The following ATP6V0D1 variants were observed in gnomAD, a reference collection of about 807,000 sequenced individuals.
The protein encoded by ATP6V0D1 is V-type proton ATPase subunit d 1.
A neutral mutation model predicts 39.0 loss-of-function variants in ATP6V0D1; 13 were observed. The observed-to-expected ratio is 0.33, with a 90% CI of 0.22 to 0.53. The LOEUF (loss-of-function observed/expected upper bound fraction) is 0.53. ATP6V0D1 is among the 20% of genes least tolerant of loss of function. The pLI is 0.94. For missense variants in ATP6V0D1, 272 were observed against 470.9 expected (o/e 0.58, Z 3.91); for synonymous variants, 191 against 191.2 (o/e 1.00, Z 0.01).
rs1329753161 is a variant in ATP6V0D1, at chr16:67,475,834, T to C, written c.130+5123A>G. On this transcript the variant is annotated intron_variant, in intron 1 of 7. Coordinates refer to ENST00000290949, the MANE Select transcript of ATP6V0D1 (RefSeq NM_004691.5). ...TGAGAACCCCATATGACTCAGATTATGGTCTCTAAATACAATTTTGTAATA... is the reference window on the plus strand; with the variant it reads ...TGAGAACCCCATATGACTCAGATTACGGTCTCTAAATACAATTTTGTAATA... Among the ~76,000 whole-genome samples the C allele has an allele frequency of 2.0e-5, 3 of 152,252 alleles. No homozygotes were observed. In the East Asian group the frequency reaches 5.8e-4, roughly 29 times the overall value.
chr16:67,451,420 C>T (rs1456304428), intron 2 of ATP6V0D1, among the ~76,000 whole-genome samples: 1 of 152,172 alleles, frequency 6.6e-6, no homozygotes, highest in African/African-American at 2.4e-5. Context: ...GAGTCTGGAA[C>T]CCGTGTCCCA....
At chr16:67,476,044 A>C (rs1334918729) in intron 1 of ATP6V0D1, among the ~76,000 whole-genome samples, 2 of 152,164 alleles carry the variant, frequency 1.3e-5, no homozygotes, top group Non-Finnish European at 2.9e-5. Context: ...AGCCTGGCTA[A>C]CATGGTGTAA....
chr16:67,469,615 C>G (rs2041357257), intron 1 of ATP6V0D1, among the ~76,000 whole-genome samples: 1 of 152,160 alleles, frequency 6.6e-6, no homozygotes, highest in Admixed American at 6.5e-5. Context: ...CTCAGACCAG[C>G]CCTACAATGC....
chr16:67,469,343 G>A (rs1452422845), intron 1 of ATP6V0D1, among the ~76,000 whole-genome samples: 2 of 152,000 alleles, frequency 1.3e-5, no homozygotes, highest in Admixed American at 1.3e-4. Context: ...AATAAAATCG[G>A]GCTAAAGTAT....
At chr16:67,462,727 C>T (rs1364804698) in intron 1 of ATP6V0D1, among the ~76,000 whole-genome samples, 7 of 151,568 alleles carry the variant, frequency 4.6e-5, no homozygotes, top group Admixed American at 4.6e-4. Context: ...ACCTGGGAGG[C>T]TAAGGTGGGA....
intron 1 of ATP6V0D1, among the ~76,000 whole-genome samples, chr16:67,466,748 G>C (rs2142327837): frequency 1.3e-5 from 2 of 152,202 alleles, no homozygotes; most frequent in Middle Eastern, 6.8e-3. Flanking sequence ...AGTGAGCCAT[G>C]ATGGAGCCAC....
At chr16:67,462,577 C>T (rs970153817) in intron 1 of ATP6V0D1, among the ~76,000 whole-genome samples, 1 of 152,196 alleles carries the variant, frequency 6.6e-6, no homozygotes, top group Non-Finnish European at 1.5e-5. Context: ...ATAATCCCAG[C>T]GTTTTGGGAG....
chr16:67,472,524 T>C (rs549461873), intron 1 of ATP6V0D1, among the ~76,000 whole-genome samples: 1 of 152,274 alleles, frequency 6.6e-6, no homozygotes, highest in South Asian at 2.1e-4. Context: ...GTCATCTAAT[T>C]TCACCAATTC....
At chr16:67,471,635 C>T (rs2041373987) in intron 1 of ATP6V0D1, among the ~76,000 whole-genome samples, 1 of 151,796 alleles carries the variant, frequency 6.6e-6, no homozygotes, top group South Asian at 2.1e-4. Context: ...ATTAATCATC[C>T]CCTCCCTCAG....
intron 1 of ATP6V0D1, among the ~76,000 whole-genome samples, chr16:67,466,059 G>C (rs2041326587): frequency 6.6e-6 from 1 of 152,124 alleles, no homozygotes. Flanking sequence ...GCCAGCTCCA[G>C]TTCCCCTTCA....
At chr16:67,480,262 G>C (rs1474092835) in intron 1 of ATP6V0D1, among the ~76,000 whole-genome samples, 1 of 151,884 alleles carries the variant, frequency 6.6e-6, no homozygotes, top group Admixed American at 6.6e-5. Flanking sequence ...GAGAAGAAAG[G>C]GGAACTCGGT....
chr16:67,463,583 AAAAG>A (rs1013052530), intron 1 of ATP6V0D1, among the ~76,000 whole-genome samples: 24 of 152,110 alleles, frequency 1.6e-4, no homozygotes, highest in African/African-American at 2.9e-4. Flanking sequence ...GGGAAAAAAA[AAAAG>A]AAAGAAAAAG....
In ATP6V0D1 at chr16:67,453,663, C is replaced by T; in HGVS notation, c.183G>A (p.Glu61=). Residue 61 remains glutamate, a synonymous_variant, in exon 2 of 8, where the codon GAG becomes GAA. Coordinates refer to ENST00000290949, the MANE Select transcript of ATP6V0D1 (RefSeq NM_004691.5). The surrounding 1 kb of genome is among the most constrained non-coding windows in gnomAD (Gnocchi z 4.1). ...TGACTGACACCGTCAGAGGTGATGC[C>T]TCGTTGGCCAGGAAGTTACCATAAT... The part of the protein sequence containing the change: ...STDYGNFLAN[E]ASPLTVSVID... The T allele has an allele frequency of 6.2e-7, 1 of 1,614,162 alleles. No homozygotes were observed. The highest frequency in any genetic ancestry group is 8.5e-7 in the Non-Finnish European group (1 of 1,180,026).
intron 1 of ATP6V0D1, chr16:67,459,103 C>T (rs775566506): frequency 1.0e-6 from 1 of 985,664 alleles, no homozygotes; most frequent in Non-Finnish European, 1.2e-6. Flanking sequence ...ATTACCTCAG[C>T]CCTTGACTGG....
At chr16:67,469,588 A>G (rs1229131195) in intron 1 of ATP6V0D1, among the ~76,000 whole-genome samples, 2 of 152,004 alleles carry the variant, frequency 1.3e-5, no homozygotes, top group African/African-American at 4.8e-5. Context: ...AAGTGGCTTC[A>G]TGGGGGTTCC....
At chr16:67,445,916 G>C (rs1186996679) in intron 2 of ATP6V0D1, 1 of 455,888 alleles carries the variant, frequency 2.2e-6, no homozygotes, top group Admixed American at 2.4e-5. Flanking sequence ...AGGGTATGAG[G>C]GAGCTAAATG....
chr16:67,451,470 G>C (rs1005582062), intron 2 of ATP6V0D1, among the ~76,000 whole-genome samples: 1 of 152,212 alleles, frequency 6.6e-6, no homozygotes, highest in Non-Finnish European at 1.5e-5. Context: ...GAAGGCTGTG[G>C]GTAGAGAGGT....
intron 1 of ATP6V0D1, among the ~76,000 whole-genome samples, chr16:67,474,055 G>A (rs1233535469): frequency 6.6e-6 from 1 of 152,140 alleles, no homozygotes; most frequent in Non-Finnish European, 1.5e-5. Flanking sequence ...CACTTACTGT[G>A]CACTCAATGC....
At chr16:67,446,838 C>T in intron 2 of ATP6V0D1, among the ~76,000 whole-genome samples, 1 of 152,108 alleles carries the variant, frequency 6.6e-6, no homozygotes, top group Non-Finnish European at 1.5e-5. Context: ...AAAAGCACAC[C>T]CAAGGCCCAC....
Sources: allele counts gnomAD v4.1 joint callset (sites outside exome capture counted in the v4.1 genomes callset), GRCh38; gene constraint gnomAD v4.1.1; non-coding constraint Gnocchi (gnomAD v3.1); transcripts MANE v1.5; gene names NCBI Gene and HGNC (gene_info 2026-07-23, HGNC 2026-07-21).